The following ARHGAP9 variants were observed in gnomAD, a reference collection of about 807,000 sequenced individuals.
ARHGAP9 encodes Rho GTPase activating protein 9.
ARHGAP9 carries 76 observed loss-of-function variants against 87.3 expected under a neutral mutation model. The ratio of observed to expected loss-of-function variants is 0.87; its 90% CI spans 0.72 to 1.05. The LOEUF (loss-of-function observed/expected upper bound fraction) is 1.05, where lower values mean the gene tolerates loss of function less well. Among genes scored for constraint, ARHGAP9 ranks in the 50% least tolerant of loss-of-function variants. The probability of loss-of-function intolerance (pLI) is 0.00; values close to 1 mark genes in which losing one functional copy is unlikely to be tolerated. For synonymous variants in ARHGAP9, 382 were observed against 394.9 expected, an observed-to-expected ratio of 0.97 and a Z score of 0.39; for missense variants, 941 against 960.5, an observed-to-expected ratio of 0.98 and a Z score of 0.27.
chr12:57,476,511 G>C, intron 7 of ARHGAP9, 57 bp from the exon 8 acceptor site: 1 of 1,612,294 alleles, frequency 6.2e-7, no homozygotes, highest in Non-Finnish European at 8.5e-7. Flanking sequence ...AGAATGACAC[G>C]AGGAGGGTGC....
upstream of ARHGAP9, chr12:57,480,225 A>G: frequency 5.6e-6 from 4 of 712,008 alleles, no homozygotes; most frequent in Non-Finnish European, 6.9e-6. Context: ...CTTGTCCCCC[A>G]GGCTGGAGTG....
At chr12:57,483,540 T>G (rs893714190), upstream of ARHGAP9, among the ~76,000 whole-genome samples, 29 of 152,274 alleles carry the variant, frequency 1.9e-4, no homozygotes, top group African/African-American at 6.7e-4. Context: ...ACAGATTCCC[T>G]CTCTACACTT....
intron 16 of ARHGAP9, 45 bp downstream of exon 16, chr12:57,473,997 C>T (rs751859447): frequency 1.4e-5 from 22 of 1,586,348 alleles, no homozygotes; most frequent in Middle Eastern, 1.7e-4. Context: ...ATTTACCACC[C>T]GTGTCCCCCA....
intron 3 of ARHGAP9, 35 bp from the exon 4 acceptor site, chr12:57,477,715 C>T: frequency 1.2e-6 from 2 of 1,606,342 alleles, no homozygotes; most frequent in Non-Finnish European, 1.7e-6. Flanking sequence ...GGTGGTCATT[C>T]TGCCTGTTGC....
upstream of ARHGAP9, among the ~76,000 whole-genome samples, chr12:57,484,771 A>G (rs1023796409): frequency 6.6e-6 from 1 of 152,002 alleles, no homozygotes; most frequent in Non-Finnish European, 1.5e-5. Flanking sequence ...CAGCCTCCCA[A>G]GTAGCTGGGA....
intron 14 of ARHGAP9, 36 bp from the exon 15 acceptor site, chr12:57,474,512 CAT>C: frequency 6.2e-7 from 1 of 1,614,002 alleles, no homozygotes; most frequent in Non-Finnish European, 8.5e-7. Flanking sequence ...GGAGCTAAGA[CAT>C]ACACTTCCAG....
At chr12:57,483,669 C>T (rs368806515), upstream of ARHGAP9, among the ~76,000 whole-genome samples, 269 of 152,262 alleles carry the variant, frequency 1.8e-3, 2 homozygotes, top group African/African-American at 6.3e-3. Context: ...AAACACGTCC[C>T]TTCTCCACTC....
In ARHGAP9 at chr12:57,476,636, C is replaced by T. The variant is rs369632228; in HGVS notation, c.979G>A (p.Gly327Ser). Residue 327 changes from glycine to serine, a missense_variant, in exon 7 of 18, where the codon GGT becomes AGT. Transcript: ENST00000393791. ...GCAATCTTGGTCATGTTGAGCAGACCCGACTTTTCCACCTCCTGGGAAGTG... is the reference window on the plus strand; with the variant it reads ...GCAATCTTGGTCATGTTGAGCAGACTCGACTTTTCCACCTCCTGGGAAGTG... ...LDDPHEVEKS[G>S]LLNMTKIAQG... 1.5e-4 allele frequency: 247 copies of T among 1,613,714 alleles called. 1 individual carries two copies. The South Asian group carries it at 1.6e-3, about 10-fold the overall frequency.
At chr12:57,473,490 C>T in intron 17 of ARHGAP9, 113 bp downstream of exon 17, 1 of 883,164 alleles carries the variant, frequency 1.1e-6, no homozygotes, top group Non-Finnish European at 1.9e-6. Context: ...GCTTCCTCAC[C>T]TGCCCATTAA....
In ARHGAP9 at chr12:57,477,458, C is replaced by G; in HGVS notation, c.756+1G>C. 6.2e-7 allele frequency: 1 copy of G among 1,613,920 alleles called. No individual in the cohort carries two copies. The highest frequency in any genetic ancestry group is 8.5e-7 in the Non-Finnish European group (1 of 1,179,900). On this transcript the variant is annotated splice_donor_variant, in intron 4 of 17. Coordinates refer to ENST00000393791, the MANE Select transcript of ARHGAP9 (RefSeq NM_032496.4). LOFTEE classifies it high-confidence loss of function. ...TGGAGAAGCAGGAGGTAAGGTCTCA[C>G]CGTCTCGCTGCGACTGCGGCGCGGG...
chr12:57,475,860 G>T lies in ARHGAP9; in HGVS notation c.1284C>A (p.Arg428=). The part of the protein sequence containing the change: ...DHETELRAWH[R]ALRTVIERLD... ...GCCGCTCGATGACAGTCCGCAGCGC[G>T]CGGTGCCAGGCTCGCAGCTCTGTCT... is the stretch of plus-strand genomic sequence containing the variant. The change falls in exon 10 of 18, where the codon CGC becomes CGA. Residue 428 remains arginine (R), a synonymous_variant. Coordinates refer to ENST00000393791, the MANE Select transcript of ARHGAP9 (RefSeq NM_032496.4). 6.2e-7 allele frequency: 1 copy of T among 1,613,886 alleles called. No individual in the cohort carries two copies. Among genetic ancestry groups the T allele is most frequent in the Non-Finnish European group, 8.5e-7 (1 of 1,179,894 alleles).
chr12:57,475,666 T>A, intron 10 of ARHGAP9, 51 bp from the exon 11 acceptor site: 2 of 1,584,258 alleles, frequency 1.3e-6, no homozygotes, highest in Non-Finnish European at 1.7e-6. Context: ...GAAATCTGTA[T>A]CCCTAGCTGG....
chr12:57,485,260 T>C (rs576013454), intron 1 of ARHGAP9, among the ~76,000 whole-genome samples: 1 of 151,446 alleles, frequency 6.6e-6, no homozygotes, highest in East Asian at 2.0e-4. Flanking sequence ...TGGCTAGTTT[T>C]AAAAACTATT....
At chr12:57,488,501 A>G (rs754924398) in intron 1 of ARHGAP9, 336 of 1,400,214 alleles carry the variant, frequency 2.4e-4, no homozygotes, top group Middle Eastern at 1.6e-3. Context: ...CCTATCAGGC[A>G]TCCCCCTCTG....
At chr12:57,474,769 G>C in intron 13 of ARHGAP9, 66 bp from the exon 14 acceptor site, 1 of 1,607,308 alleles carries the variant, frequency 6.2e-7, no homozygotes, top group Non-Finnish European at 8.5e-7. Context: ...GGGATATAAG[G>C]GTGGAGAGAA....
At chr12:57,476,701 T>G (rs150416488) in intron 6 of ARHGAP9, 50 bp from the exon 7 acceptor site, 3 of 1,610,004 alleles carry the variant, frequency 1.9e-6, no homozygotes, top group Non-Finnish European at 2.5e-6. Context: ...CCCTCCATAG[T>G]GGCCACGGCT....
At chr12:57,472,772 C>G (rs2139877341) in intron 17 of ARHGAP9, 84 bp from the exon 18 acceptor site, 3 of 1,442,956 alleles carry the variant, frequency 2.1e-6, no homozygotes, top group South Asian at 2.4e-5. Flanking sequence ...AAGTTCTGAG[C>G]AGGGAAGAGT....
At position 57,475,615 on chromosome 12, in the gene ARHGAP9, C is replaced by A. The variant is rs1873315690; in HGVS notation, c.1312G>T (p.Asp438Tyr). 6.2e-7 allele frequency: 1 copy of A among 1,610,450 alleles called. No individual in the cohort carries two copies. Among genetic ancestry groups the A allele is most frequent in the East Asian group, 2.2e-5 (1 of 44,846 alleles). Reference sequence around the variant, plus strand: ...CGCAGCTCCAGGGGGTTCTCCCGATCCTAGACCCGGGGCGGGCCGTGTCGA... The same window carrying A: ...CGCAGCTCCAGGGGGTTCTCCCGATACTAGACCCGGGGCGGGCCGTGTCGA... ...RALRTVIERL[D>Y]RENPLELRLS... Residue 438 changes from aspartate (D) to tyrosine (Y), a missense_variant and splice_region_variant, in exon 11 of 18, where the codon GAT becomes TAT. Asp to Tyr is a radical substitution (Grantham distance 160). Transcript: ENST00000393791.
intron 3 of ARHGAP9, chr12:57,477,969 G>A (rs1874395659): frequency 8.9e-6 from 11 of 1,233,396 alleles, no homozygotes; most frequent in Non-Finnish European, 1.0e-5. Context: ...GCTTTTTGTG[G>A]GGTGGGGGGA....
Sources: gnomAD v4.1 joint callset for allele counts (sites outside exome capture counted in the v4.1 genomes callset) on GRCh38, gnomAD v4.1.1 for gene constraint, MANE v1.5 for transcripts, NCBI Gene and HGNC (gene_info 2026-07-23, HGNC 2026-07-21) for gene names.